The following SLC17A8 variants were observed in gnomAD, a reference collection of about 807,000 sequenced individuals.
SLC17A8 encodes vesicular glutamate transporter 3.
SLC17A8 carries 31 observed loss-of-function variants against 58.0 expected under a neutral mutation model. The observed-to-expected ratio is 0.53, with a 90% CI of 0.40 to 0.72. SLC17A8 has a LOEUF of 0.72. SLC17A8 is among the 30% of genes least tolerant of loss of function. SLC17A8 has a pLI of 0.00. For synonymous variants in SLC17A8, 228 were observed against 249.0 expected, an observed-to-expected ratio of 0.92 and a Z score of 0.79; for missense variants, 655 against 727.8, an observed-to-expected ratio of 0.90 and a Z score of 1.15.
chr12:100,401,765 T>G lies in SLC17A8; in HGVS notation c.677-12T>G. 6.2e-7 allele frequency: 1 copy of G among 1,610,108 alleles called. No individual in the cohort carries two copies. Among genetic ancestry groups the G allele is most frequent in the Non-Finnish European group, 8.5e-7 (1 of 1,176,388 alleles). On this transcript the variant is annotated splice_polypyrimidine_tract_variant and intron_variant, in intron 5 of 11. Transcript: ENST00000323346. ...TGATTGGTCAGATTCCCTCAATCTT[T>G]TCTTGTTCCAGGTTCCTATGCAGGG...
At chr12:100,415,514 CCTCTACCT>C (rs1341170832) in intron 10 of SLC17A8, among the ~76,000 whole-genome samples, 1 of 151,800 alleles carries the variant, frequency 6.6e-6, no homozygotes, top group Admixed American at 6.6e-5. Context: ...ATCATTGCAG[CCTCTACCT>C]CCCATGCTCA....
intron 10 of SLC17A8, among the ~76,000 whole-genome samples, chr12:100,417,633 G>T (rs1952915873): frequency 6.6e-6 from 1 of 152,168 alleles, no homozygotes; most frequent in African/African-American, 2.4e-5. Context: ...GTAAGTCAGG[G>T]GTAGGAGTGG....
At chr12:100,387,151 C>T (rs924441356) in intron 2 of SLC17A8, among the ~76,000 whole-genome samples, 2 of 152,152 alleles carry the variant, frequency 1.3e-5, no homozygotes, top group African/African-American at 4.8e-5. Flanking sequence ...ATCATACATT[C>T]GTTCTGTTTT....
intron 1 of SLC17A8, among the ~76,000 whole-genome samples, chr12:100,363,370 T>C (rs990049680): frequency 6.6e-6 from 1 of 152,024 alleles, no homozygotes; most frequent in African/African-American, 2.4e-5. Flanking sequence ...ACTGTTGGGT[T>C]TTTTGTTTGT....
intron 1 of SLC17A8, among the ~76,000 whole-genome samples, chr12:100,374,267 C>G (rs1195918992): frequency 1.3e-5 from 2 of 152,152 alleles, no homozygotes; most frequent in African/African-American, 4.8e-5. Flanking sequence ...CTGTCTTCCT[C>G]TGTGAGCTAG....
intron 9 of SLC17A8, among the ~76,000 whole-genome samples, chr12:100,406,226 T>G (rs1051020952): frequency 5.9e-5 from 9 of 152,204 alleles, no homozygotes; most frequent in African/African-American, 2.2e-4. Flanking sequence ...CATGCCATTC[T>G]CCAGTGATCC....
chr12:100,379,703 C>CT (rs977045040), intron 1 of SLC17A8, among the ~76,000 whole-genome samples: 69 of 151,102 alleles, frequency 4.6e-4, no homozygotes, highest in East Asian at 1.6e-3. Context: ...TGTCCAATTA[C>CT]TTTTTTTTTA....
intron 1 of SLC17A8, among the ~76,000 whole-genome samples, chr12:100,369,173 G>A (rs1341830103): frequency 1.3e-5 from 2 of 152,202 alleles, no homozygotes; most frequent in African/African-American, 4.8e-5. Flanking sequence ...CTACTCAGGA[G>A]GCTGAGGCAG....
chr12:100,377,717 T>C (rs2135982318), intron 1 of SLC17A8, among the ~76,000 whole-genome samples: 1 of 151,326 alleles, frequency 6.6e-6, no homozygotes, highest in Middle Eastern at 3.4e-3. Context: ...GTCTCCCGAG[T>C]AGCTGGGACT....
At chr12:100,392,196 T>A (rs1566396090) in intron 3 of SLC17A8, among the ~76,000 whole-genome samples, 1 of 151,964 alleles carries the variant, frequency 6.6e-6, no homozygotes, top group African/African-American at 2.4e-5. Flanking sequence ...TTTTAAAAAG[T>A]GGTTTTTTTT....
intron 1 of SLC17A8, 128 bp downstream of exon 1, chr12:100,357,620 T>C (rs757984710): frequency 3.5e-5 from 25 of 708,704 alleles, no homozygotes; most frequent in Non-Finnish European, 6.1e-5. Context: ...TAGATCCTTC[T>C]GGAGCCCCTT....
At chr12:100,395,643 C>T (rs1257108759) in intron 4 of SLC17A8, among the ~76,000 whole-genome samples, 5 of 148,898 alleles carry the variant, frequency 3.4e-5, no homozygotes, top group East Asian at 2.0e-4. Flanking sequence ...TTTTCAGTCT[C>T]GCTCTGTTGC....
intron 2 of SLC17A8, among the ~76,000 whole-genome samples, chr12:100,388,511 G>A (rs2135992654): frequency 6.6e-6 from 1 of 152,258 alleles, no homozygotes; most frequent in East Asian, 1.9e-4. Flanking sequence ...TTACCATTGA[G>A]CTTCAACTTT....
chr12:100,377,558 A>T (rs1351134301), intron 1 of SLC17A8, among the ~76,000 whole-genome samples: 1 of 145,488 alleles, frequency 6.9e-6, no homozygotes. Flanking sequence ...GGCATCCAAG[A>T]TGGCTTCAAG....
intron 5 of SLC17A8, among the ~76,000 whole-genome samples, chr12:100,397,543 T>TCTCTA (rs1472870647): frequency 6.6e-6 from 1 of 152,164 alleles, no homozygotes; most frequent in Non-Finnish European, 1.5e-5. Context: ...TCTCTAGGTG[T>TCTCTA]GGCTGGGTCC....
In SLC17A8 at chr12:100,420,415, C is replaced by G. The variant is rs896479365; in HGVS notation, c.*256C>G. The G allele has an allele frequency of 4.5e-6, 2 of 443,364 alleles. No homozygotes were observed. The highest frequency in any genetic ancestry group is 7.1e-5 in the Admixed American group (2 of 27,996). The allele number at this position is 443,364 out of a possible 1,614,324, so 27.5% of individuals were successfully genotyped here. A position where few individuals can be genotyped will look rare whatever the true frequency, so the allele number is the denominator to read the frequency against. Reference sequence around the variant, plus strand: ...CTTCTCTCAAAGAGCTAAACTTATTCAGAAAGGAATGACTAGAAGAAAAAG... The same window carrying G: ...CTTCTCTCAAAGAGCTAAACTTATTGAGAAAGGAATGACTAGAAGAAAAAG... On this transcript the variant is annotated 3_prime_UTR_variant, in exon 12 of 12. Coordinates refer to ENST00000323346, the MANE Select transcript of SLC17A8 (RefSeq NM_139319.3).
intron 10 of SLC17A8, among the ~76,000 whole-genome samples, chr12:100,414,494 G>A (rs1380237727): frequency 6.6e-6 from 1 of 152,148 alleles, no homozygotes; most frequent in Non-Finnish European, 1.5e-5. Flanking sequence ...TCAAGCTTCA[G>A]TTTTCTCATC....
At chr12:100,401,722 C>A in intron 5 of SLC17A8, 55 bp from the exon 6 acceptor site, 3 of 1,358,546 alleles carry the variant, frequency 2.2e-6, no homozygotes, top group East Asian at 2.3e-5. Flanking sequence ...TCTAAATGAG[C>A]TGAAAAGGCT....
At chr12:100,369,598 G>C (rs142248252) in intron 1 of SLC17A8, among the ~76,000 whole-genome samples, 1 of 152,310 alleles carries the variant, frequency 6.6e-6, no homozygotes, top group African/African-American at 2.4e-5. Flanking sequence ...AAGTGCTTTG[G>C]ATTTAGCAGA....
Sources: allele counts gnomAD v4.1 joint callset (sites outside exome capture counted in the v4.1 genomes callset), GRCh38; gene constraint gnomAD v4.1.1; transcripts MANE v1.5; gene names NCBI Gene and HGNC (gene_info 2026-07-23, HGNC 2026-07-21).